The following NOVA2 variants were observed in gnomAD, a reference collection of about 807,000 sequenced individuals.
NOVA2 encodes the protein RNA-binding protein Nova-2.
A neutral mutation model predicts 22.5 loss-of-function variants in NOVA2; 9 were observed. The observed-to-expected ratio is 0.40, with a 90% confidence interval of 0.24 to 0.70. The LOEUF (loss-of-function observed/expected upper bound fraction) is 0.70, where lower values mean the gene tolerates loss of function less well. Ranked by LOEUF, NOVA2 falls within the 30% of genes least tolerant of loss-of-function variation. The pLI is 0.38. For missense variants in NOVA2, 383 were observed against 682.8 expected (o/e 0.56, Z 4.89); for synonymous variants, 318 against 335.2 (o/e 0.95, Z 0.56).
chr19:45,968,834 G>A (rs4802283), intron 1 of NOVA2, among the ~76,000 whole-genome samples: 53,813 of 151,902 alleles, frequency 0.35, 11,624 homozygotes, highest in Non-Finnish European at 0.49. Context: ...CATTCTAGGA[G>A]GGGCTCTTAA....
chr19:45,956,507 G>T (rs561128434), intron 2 of NOVA2, among the ~76,000 whole-genome samples: 1 of 150,462 alleles, frequency 6.6e-6, no homozygotes, highest in Non-Finnish European at 1.5e-5. Flanking sequence ...GTCTCATTCT[G>T]TCGCCCAGGC....
At chr19:45,958,641 G>T (rs1568669189) in intron 2 of NOVA2, among the ~76,000 whole-genome samples, 1 of 151,786 alleles carries the variant, frequency 6.6e-6, no homozygotes, top group Non-Finnish European at 1.5e-5. Context: ...GAGCGTGTGA[G>T]ACTGTGTGTG....
chr19:45,941,233 A>G (rs1967752218), intron 3 of NOVA2, among the ~76,000 whole-genome samples: 2 of 151,870 alleles, frequency 1.3e-5, no homozygotes, highest in Non-Finnish European at 2.9e-5. Flanking sequence ...GGGAGGATGC[A>G]GTGAGCTGAG....
chr19:45,973,834 C>T lies in NOVA2; in HGVS notation c.-483G>A, dbSNP rs1428352758. 6.6e-6 allele frequency among the ~76,000 whole-genome samples: 1 copy of T among 151,198 alleles called. No homozygotes were observed. The highest frequency in any genetic ancestry group is 2.4e-5 in the African/African-American group (1 of 41,134). On this transcript the variant is annotated 5_prime_UTR_variant, in exon 1 of 4. Coordinates refer to ENST00000263257, the MANE Select transcript of NOVA2 (RefSeq NM_002516.4). ...ACTGGGGGGACGGGACTCCCCGCTT[C>T]TTCTTGGCTCCCTGGGGCAAGAGGG... is the stretch of plus-strand genomic sequence containing the variant.
chr19:45,941,300 A>G (rs1016898235), intron 3 of NOVA2, among the ~76,000 whole-genome samples: 1 of 109,008 alleles, frequency 9.2e-6, no homozygotes, highest in African/African-American at 3.2e-5. Flanking sequence ...TCTCAAAATA[A>G]AATAAAATAA....
intron 1 of NOVA2, among the ~76,000 whole-genome samples, chr19:45,968,306 G>A (rs140604151): frequency 1.3e-5 from 2 of 152,170 alleles, no homozygotes; most frequent in African/African-American, 4.8e-5. Flanking sequence ...CTGTGGGGAT[G>A]CTGCTGGCAG....
chr19:45,970,793 A>G (rs1008766867), intron 1 of NOVA2, among the ~76,000 whole-genome samples: 2 of 152,062 alleles, frequency 1.3e-5, no homozygotes, highest in African/African-American at 4.8e-5. Flanking sequence ...GAAGCCCTCA[A>G]TTTTGGGATC....
intron 3 of NOVA2, among the ~76,000 whole-genome samples, chr19:45,947,850 C>G (rs1034138180): frequency 6.6e-6 from 1 of 152,088 alleles, no homozygotes; most frequent in Non-Finnish European, 1.5e-5. Flanking sequence ...AATGTACTAG[C>G]CAGGCTACCC....
rs1225733864 is a variant in NOVA2 at position 45,940,176 on chromosome 19, C to G, written c.1166G>C (p.Gly389Ala). 2 of 1,591,062 alleles carry G rather than the reference C, an allele frequency of 1.3e-6. No homozygotes were observed. Among genetic ancestry groups the G allele is most frequent in the South Asian group, 2.2e-5 (2 of 90,168 alleles). ...GPLVAAAAAAGAAGGFLTAEK... is the reference protein window; with the variant it reads ...GPLVAAAAAAAAAGGFLTAEK... ...CGCCGTCAGGAAGCCCCCGGCCGCC[C>G]CGGCCGCGGCTGCAGCGGCCACCAG... Residue 389 changes from glycine to alanine, a missense_variant, in exon 4 of 4, where the codon GGG becomes GCG. Transcript: ENST00000263257.
At chr19:45,956,832 G>A (rs941037351) in intron 2 of NOVA2, among the ~76,000 whole-genome samples, 3 of 152,180 alleles carry the variant, frequency 2.0e-5, no homozygotes, top group African/African-American at 7.2e-5. Context: ...CCCTGCTAAG[G>A]ACGCCGAGGC....
At chr19:45,950,220 G>A (rs1338648644) in intron 3 of NOVA2, among the ~76,000 whole-genome samples, 2 of 149,928 alleles carry the variant, frequency 1.3e-5, no homozygotes, top group Non-Finnish European at 1.5e-5. Context: ...GTGCAGTGGC[G>A]CGATCTCGGC....
At chr19:45,960,293 C>CAG (rs1022882482) in intron 2 of NOVA2, among the ~76,000 whole-genome samples, 5 of 146,158 alleles carry the variant, frequency 3.4e-5, no homozygotes, top group African/African-American at 1.3e-4. Flanking sequence ...GAACAGAGTT[C>CAG]AGAGAGAGAG....
Position 45,935,818 on chromosome 19 carries a change from T to C in NOVA2, c.*4045A>G, listed in dbSNP as rs1025202213. The stretch of plus-strand genomic sequence containing the variant: ...GGAGGAGAAACAGAATGAGGGGATA[T>C]TGAAGGATTTGGTGGTCCAGAGGGG... On this transcript the variant is annotated 3_prime_UTR_variant, in exon 4 of 4. Transcript: ENST00000263257. The C allele has an allele frequency of 1.3e-5, 2 of 152,086 alleles. No individual in the cohort carries two copies. Among genetic ancestry groups the C allele is most frequent in the Non-Finnish European group, 2.9e-5 (2 of 68,018 alleles). The allele number at this position is 152,086 out of a possible 1,614,324, so 9.4% of individuals were successfully genotyped here. A position where few individuals can be genotyped will look rare whatever the true frequency, so the allele number is the denominator to read the frequency against.
chr19:45,952,246 A>G (rs1334443369), intron 3 of NOVA2, among the ~76,000 whole-genome samples: 54 of 152,212 alleles, frequency 3.5e-4, no homozygotes, highest in Non-Finnish European at 2.9e-5. Context: ...CTTTTCAAAC[A>G]TCAACGAACA....
In NOVA2 at chr19:45,942,844, T is replaced by C. The variant is rs550805693; in HGVS notation, c.397-1899A>G. The stretch of plus-strand genomic sequence containing the variant: ...CCTTTTGCACCTCCGAGAGCATTTC[T>C]ACACATAAATTCCTCCCTCTCAAAA... On this transcript the variant is annotated intron_variant, in intron 3 of 3. Coordinates refer to ENST00000263257, the MANE Select transcript of NOVA2 (RefSeq NM_002516.4). Among the ~76,000 whole-genome samples the C allele has an allele frequency of 2.6e-5, 4 of 152,242 alleles. No homozygotes were observed. The East Asian group carries it at 7.7e-4, about 29-fold the overall frequency.
At chr19:45,968,120 G>A (rs1968189487) in intron 1 of NOVA2, among the ~76,000 whole-genome samples, 1 of 152,148 alleles carries the variant, frequency 6.6e-6, no homozygotes, top group Non-Finnish European at 1.5e-5. Context: ...AGCTGAAGGG[G>A]TGTGGGTTGT....
chr19:45,946,320 A>G (rs1967837791), intron 3 of NOVA2, among the ~76,000 whole-genome samples: 1 of 152,212 alleles, frequency 6.6e-6, no homozygotes, highest in African/African-American at 2.4e-5. Context: ...AGGAATCTTC[A>G]TTTATTCTAG....
chr19:45,960,434 A>C (rs1325790027), intron 2 of NOVA2, among the ~76,000 whole-genome samples: 1 of 151,782 alleles, frequency 6.6e-6, no homozygotes, highest in East Asian at 1.9e-4. Context: ...TGAAGAGGAC[A>C]AGAGATGGGG....
At chr19:45,951,526 G>C (rs966171121) in intron 3 of NOVA2, among the ~76,000 whole-genome samples, 1 of 151,972 alleles carries the variant, frequency 6.6e-6, no homozygotes, top group Admixed American at 6.6e-5. Context: ...GCCAAGGCAG[G>C]AGAATCACTT....
Sources: allele counts gnomAD v4.1 joint callset (sites outside exome capture counted in the v4.1 genomes callset), GRCh38; gene constraint gnomAD v4.1.1; transcripts MANE v1.5; gene names NCBI Gene and HGNC (gene_info 2026-07-23, HGNC 2026-07-21).